MAD1L1: variants seen among roughly 807,000 people sequenced by gnomAD.
The protein encoded by MAD1L1 is mitotic spindle assembly checkpoint protein MAD1.
A neutral mutation model predicts 96.9 loss-of-function variants in MAD1L1; 95 were observed. The observed-to-expected ratio is 0.98, with a 90% confidence interval of 0.83 to 1.16. The LOEUF (loss-of-function observed/expected upper bound fraction) is 1.16, where lower values mean the gene tolerates loss of function less well. Ranked by LOEUF, MAD1L1 falls within the 50% of genes most tolerant of loss-of-function variation. The probability of loss-of-function intolerance (pLI) is 0.00; values close to 1 mark genes in which losing one functional copy is unlikely to be tolerated. For synonymous variants in MAD1L1, 473 were observed against 396.6 expected (o/e 1.19, Z -2.29); for missense variants, 1,007 against 954.4 (o/e 1.06, Z -0.73).
chr7:1,880,138 A>G (rs1333654688), intron 18 of MAD1L1, among the ~76,000 whole-genome samples: 2 of 152,238 alleles, frequency 1.3e-5, no homozygotes, highest in African/African-American at 2.4e-5. Flanking sequence ...CAACTCCTAC[A>G]GGAGTGACAG....
chr7:1,909,937 A>T (rs1351322806), intron 17 of MAD1L1, among the ~76,000 whole-genome samples: 5 of 152,172 alleles, frequency 3.3e-5, no homozygotes, highest in Non-Finnish European at 5.9e-5. Flanking sequence ...ACCACCTGGC[A>T]GGCGCTGGCT....
intron 11 of MAD1L1, among the ~76,000 whole-genome samples, chr7:2,144,282 G>A (rs1584420568): frequency 6.6e-6 from 1 of 152,348 alleles, no homozygotes; most frequent in East Asian, 1.9e-4. Flanking sequence ...CATGGTGAGG[G>A]CAGATGCGAG....
chr7:1,999,536 C>G (rs1037057013), intron 14 of MAD1L1, among the ~76,000 whole-genome samples: 1 of 152,194 alleles, frequency 6.6e-6, no homozygotes, highest in Non-Finnish European at 1.5e-5. Flanking sequence ...GTTTACACCA[C>G]AAACCTCAGC....
intron 14 of MAD1L1, among the ~76,000 whole-genome samples, chr7:1,987,030 C>T (rs543760125): frequency 7.2e-4 from 110 of 152,204 alleles, no homozygotes; most frequent in Middle Eastern, 3.4e-3. Flanking sequence ...AGGGCCAGAC[C>T]CATGATCCAT....
In MAD1L1 at chr7:1,816,134, T is replaced by C; in HGVS notation, c.2093A>G (p.Asp698Gly). ...ELIEVHLRRQDSIPAFLSSLT... is the reference protein window; with the variant it reads ...ELIEVHLRRQGSIPAFLSSLT... ...CGAGCTGAGGAAGGCAGGGATGCTG[T>C]CCTGGCGCCGCAGGTGCACCTCGAT... The change falls in exon 19 of 19, where the codon GAC (aspartate) becomes GGC (glycine). Residue 698 changes from aspartate (D) to glycine (G), a missense_variant. Physicochemically the swap from Asp to Gly is moderately conservative, Grantham distance 94 (BLOSUM62 -1). Coordinates refer to ENST00000265854, the MANE Select transcript of MAD1L1 (RefSeq NM_001013836.2). 1 of 1,613,156 alleles carries C rather than the reference T, an allele frequency of 6.2e-7. No individual in the cohort carries two copies. Among genetic ancestry groups the C allele is most frequent in the East Asian group, 2.2e-5 (1 of 44,868 alleles).
intron 11 of MAD1L1, among the ~76,000 whole-genome samples, chr7:2,112,277 G>T (rs189350506): frequency 6.6e-6 from 1 of 152,196 alleles, no homozygotes; most frequent in Non-Finnish European, 1.5e-5. Flanking sequence ...ACAGCAGAAG[G>T]GCAAATGAGG....
chr7:1,842,744 G>T (rs1242319321), intron 18 of MAD1L1, among the ~76,000 whole-genome samples: 1 of 152,262 alleles, frequency 6.6e-6, no homozygotes, highest in African/African-American at 2.4e-5. Context: ...CTGCAAGGCA[G>T]CCGAGGCCCA....
chr7:1,929,792 T>A (rs1789334876), intron 17 of MAD1L1, among the ~76,000 whole-genome samples: 1 of 120,948 alleles, frequency 8.3e-6, no homozygotes, highest in Admixed American at 8.3e-5. Flanking sequence ...CACTGCCACG[T>A]CCCCTCGCCC....
intron 18 of MAD1L1, chr7:1,817,536 TCA>T (rs1213309397): frequency 1.3e-5 from 2 of 152,180 alleles, no homozygotes; most frequent in Non-Finnish European, 2.9e-5. Context: ...GCCCAGCCAG[TCA>T]CAGAGACCTG....
chr7:1,939,681 AAC>A (rs930987759), intron 16 of MAD1L1, among the ~76,000 whole-genome samples: 1 of 152,208 alleles, frequency 6.6e-6, no homozygotes, highest in African/African-American at 2.4e-5. Flanking sequence ...GGAACAGGGA[AAC>A]ACATCCTGTG....
At chr7:1,891,901 A>C (rs1284844058) in intron 18 of MAD1L1, among the ~76,000 whole-genome samples, 1 of 152,166 alleles carries the variant, frequency 6.6e-6, no homozygotes, top group South Asian at 2.1e-4. Context: ...TATTGAAGAA[A>C]AGAACAGTAT....
intron 12 of MAD1L1, among the ~76,000 whole-genome samples, chr7:2,051,799 C>CA (rs1784190738): frequency 6.7e-6 from 1 of 149,208 alleles, no homozygotes; most frequent in Non-Finnish European, 1.5e-5. Flanking sequence ...CCTTGCTGTC[C>CA]ACCCCCCAAC....
At chr7:2,133,763 G>A (rs56289380) in intron 11 of MAD1L1, among the ~76,000 whole-genome samples, 3,859 of 152,338 alleles carry the variant, frequency 0.025, 82 homozygotes, top group Middle Eastern at 0.051. Flanking sequence ...CCCTGTGGCT[G>A]TTCCGCTGTT....
intron 7 of MAD1L1, among the ~76,000 whole-genome samples, chr7:2,217,564 C>T (rs7781856): frequency 0.33 from 50,553 of 152,146 alleles, 8,681 homozygotes; most frequent in East Asian, 0.51. Context: ...CTCCCTGGCA[C>T]GTCCTCCGCA....
chr7:2,040,645 C>T (rs1209112358), intron 12 of MAD1L1, among the ~76,000 whole-genome samples: 8 of 152,178 alleles, frequency 5.3e-5, no homozygotes, highest in African/African-American at 1.9e-4. Context: ...TGGGGAGCGT[C>T]GGCATTTTGG....
At chr7:2,105,994 T>TGGCCCCGCCCCTGCCCCACAC (rs60838694) in intron 11 of MAD1L1, among the ~76,000 whole-genome samples, 2,875 of 91,226 alleles carry the variant, frequency 0.032, 79 homozygotes, top group South Asian at 0.093. Flanking sequence ...CTGCCCCACA[T>TGGCCCCGCCCCTGCCCCACAC]ATGGCCCCGC....
chr7:1,843,428 A>T lies in MAD1L1; in HGVS notation c.1999-27200T>A, dbSNP rs370767998. 4.6e-5 allele frequency among the ~76,000 whole-genome samples: 7 copies of T among 151,666 alleles called. No homozygotes were observed. In the East Asian group the frequency reaches 1.2e-3, roughly 25 times the overall value. On this transcript the variant is annotated intron_variant, in intron 18 of 18. Transcript: ENST00000265854. ...GGGAAGGGGCCCAGGTGCGGTGTAG[A>T]CCTCCTCTGTCATCCAGCCCCTCCT...
At chr7:1,842,804 G>A (rs1408432829) in intron 18 of MAD1L1, among the ~76,000 whole-genome samples, 1 of 152,258 alleles carries the variant, frequency 6.6e-6, no homozygotes, top group Non-Finnish European at 1.5e-5. Context: ...GGGCCTCTGA[G>A]TGCTGCACAG....
At chr7:2,120,577 G>T (rs1002330029) in intron 11 of MAD1L1, among the ~76,000 whole-genome samples, 1 of 152,206 alleles carries the variant, frequency 6.6e-6, no homozygotes, top group African/African-American at 2.4e-5. Context: ...GTGCCCCCAC[G>T]GGTCTGACTC....
Sources: gnomAD v4.1 joint callset for allele counts (sites outside exome capture counted in the v4.1 genomes callset) on GRCh38, gnomAD v4.1.1 for gene constraint, MANE v1.5 for transcripts, NCBI Gene and HGNC (gene_info 2026-07-23, HGNC 2026-07-21) for gene names.